The following CLNK variants were observed in gnomAD, a reference collection of about 807,000 sequenced individuals.
CLNK encodes the protein cytokine-dependent hematopoietic cell linker.
In CLNK, 74 loss-of-function variants were observed where a neutral mutation model predicts 68.6. The observed-to-expected ratio is 1.08, with a 90% CI of 0.89 to 1.31. CLNK has a LOEUF of 1.31. CLNK is among the 50% of genes most tolerant of loss of function. The probability of loss-of-function intolerance (pLI) is 0.00; values close to 1 mark genes in which losing one functional copy is unlikely to be tolerated. For missense variants in CLNK, 553 were observed against 515.3 expected, an observed-to-expected ratio of 1.07 and a Z score of -0.71; for synonymous variants, 198 against 172.2, an observed-to-expected ratio of 1.15 and a Z score of -1.17.
At chr4:10,714,531 G>A in the CLNK span, among the ~76,000 whole-genome samples, 3 of 152,110 alleles carry the variant, frequency 2.0e-5, no homozygotes, top group Non-Finnish European at 4.4e-5. Context: ...TGTTCAAATG[G>A]CTAAATATTT....
intron 2 of CLNK, among the ~76,000 whole-genome samples, chr4:10,642,511 G>A (rs1723347672): frequency 1.3e-5 from 2 of 152,190 alleles, no homozygotes; most frequent in Non-Finnish European, 2.9e-5. Flanking sequence ...CATAAGGATA[G>A]AAGCAGGGAG....
At chr4:10,525,626 C>T (rs1670749540) in intron 14 of CLNK, among the ~76,000 whole-genome samples, 1 of 152,220 alleles carries the variant, frequency 6.6e-6, no homozygotes, top group African/African-American at 2.4e-5. Flanking sequence ...TCCCAAACTT[C>T]TTTAACACTC....
intron 1 of CLNK, among the ~76,000 whole-genome samples, chr4:10,682,035 C>T (rs1431300530): frequency 6.6e-6 from 1 of 151,972 alleles, no homozygotes; most frequent in Admixed American, 6.6e-5. Context: ...AATAATGATT[C>T]CCAAATATTC....
the CLNK span, among the ~76,000 whole-genome samples, chr4:10,700,491 A>G: frequency 6.6e-6 from 1 of 152,222 alleles, no homozygotes; most frequent in Admixed American, 6.5e-5. Flanking sequence ...ACAGTTTCCA[A>G]AAATCTTTAC....
At chr4:10,674,108 A>G (rs576272447) in intron 1 of CLNK, among the ~76,000 whole-genome samples, 1 of 152,274 alleles carries the variant, frequency 6.6e-6, no homozygotes, top group East Asian at 1.9e-4. Context: ...TGATATTAAT[A>G]GGTCCAGAGT....
At chr4:10,616,355 A>C (rs943023757) in intron 2 of CLNK, among the ~76,000 whole-genome samples, 6 of 152,258 alleles carry the variant, frequency 3.9e-5, no homozygotes, top group Non-Finnish European at 7.3e-5. Flanking sequence ...GGAAATGTTA[A>C]TAAAGCAGAT....
chr4:10,673,448 T>A (rs1279667900), intron 1 of CLNK, among the ~76,000 whole-genome samples: 1 of 152,080 alleles, frequency 6.6e-6, no homozygotes, highest in African/African-American at 2.4e-5. Context: ...ACTGGATTAA[T>A]AAAATGTGGC....
At chr4:10,710,959 C>T in the CLNK span, among the ~76,000 whole-genome samples, 147 of 152,290 alleles carry the variant, frequency 9.7e-4, 1 homozygote, top group African/African-American at 3.4e-3. Flanking sequence ...AAGCTGTAAG[C>T]ATGTTTCCTT....
intron 2 of CLNK, among the ~76,000 whole-genome samples, chr4:10,604,604 A>C (rs1721719984): frequency 6.6e-6 from 1 of 150,392 alleles, no homozygotes; most frequent in East Asian, 1.9e-4. Flanking sequence ...TTTTAAGTTT[A>C]AATATGTGTG....
chr4:10,506,832 C>T (rs1717314522), intron 17 of CLNK, among the ~76,000 whole-genome samples: 1 of 152,172 alleles, frequency 6.6e-6, no homozygotes, highest in African/African-American at 2.4e-5. Flanking sequence ...AAGAGTCTCG[C>T]TCTGTCGCCC....
intron 8 of CLNK, among the ~76,000 whole-genome samples, chr4:10,557,542 A>G (rs1395124186): frequency 1.3e-5 from 2 of 152,164 alleles, no homozygotes; most frequent in African/African-American, 2.4e-5. Flanking sequence ...ATCCCTCTGC[A>G]TCTAGGGGTA....
At chr4:10,716,431 C>T in the CLNK span, among the ~76,000 whole-genome samples, 1 of 151,972 alleles carries the variant, frequency 6.6e-6, no homozygotes, top group Non-Finnish European at 1.5e-5. Flanking sequence ...AACTAAAAAC[C>T]CTGGGCATAC....
Position 10,615,420 on chromosome 4 carries a change from G to A in CLNK, c.12-17371C>T, listed in dbSNP as rs577818630. ...AATCGCTTGAAGGAGGGAGGAGGGA[G>A]GAAAGAGAATAGCTTGAATCTGGGA... On this transcript the variant is annotated intron_variant, in intron 2 of 18. Coordinates refer to ENST00000226951, the MANE Select transcript of CLNK (RefSeq NM_052964.4). 2.0e-5 allele frequency among the ~76,000 whole-genome samples: 3 copies of A among 152,220 alleles called. No individual in the cohort carries two copies. The South Asian group carries it at 6.2e-4, about 32-fold the overall frequency.
At chr4:10,573,311 T>C (rs1720421640) in intron 4 of CLNK, among the ~76,000 whole-genome samples, 1 of 152,180 alleles carries the variant, frequency 6.6e-6, no homozygotes, top group Non-Finnish European at 1.5e-5. Flanking sequence ...CCAGTACATA[T>C]GGGAAGTGTT....
At chr4:10,572,411 G>A (rs1034925943) in intron 4 of CLNK, among the ~76,000 whole-genome samples, 3 of 152,106 alleles carry the variant, frequency 2.0e-5, no homozygotes, top group African/African-American at 7.2e-5. Context: ...AGATTGCCTG[G>A]GGTCATTGAG....
chr4:10,588,677 ATAGT>A (rs1721072894), intron 3 of CLNK, among the ~76,000 whole-genome samples: 1 of 152,196 alleles, frequency 6.6e-6, no homozygotes, highest in South Asian at 2.1e-4. Context: ...AAAGCTGTAC[ATAGT>A]TAATGTTTAC....
intron 17 of CLNK, among the ~76,000 whole-genome samples, chr4:10,504,964 A>G (rs1378388536): frequency 6.6e-6 from 1 of 152,174 alleles, no homozygotes; most frequent in African/African-American, 2.4e-5. Flanking sequence ...GGAAGGGAAT[A>G]TTTGCTGAGC....
chr4:10,499,135 C>T (rs561477191), intron 18 of CLNK, among the ~76,000 whole-genome samples: 1 of 152,142 alleles, frequency 6.6e-6, no homozygotes. Flanking sequence ...CTTCCCCTTC[C>T]TCTCCACTTT....
At chr4:10,679,243 C>T (rs1465756258) in intron 1 of CLNK, among the ~76,000 whole-genome samples, 1 of 152,104 alleles carries the variant, frequency 6.6e-6, no homozygotes, top group Non-Finnish European at 1.5e-5. Context: ...TTTGACAAAC[C>T]TGACAAAAAC....
Sources: allele counts gnomAD v4.1 joint callset (sites outside exome capture counted in the v4.1 genomes callset), GRCh38; gene constraint gnomAD v4.1.1; transcripts MANE v1.5; gene names NCBI Gene and HGNC (gene_info 2026-07-23, HGNC 2026-07-21).